MYO1B: variants seen among roughly 807,000 people sequenced by gnomAD.
MYO1B encodes the protein unconventional myosin-Ib.
In MYO1B, 72 loss-of-function variants were observed where a neutral mutation model predicts 159.7. That is an observed-to-expected ratio of 0.45 (90% confidence interval 0.37 to 0.55). The LOEUF is 0.55. Ranked by LOEUF, MYO1B falls within the 20% of genes least tolerant of loss-of-function variation. The probability of loss-of-function intolerance (pLI) is 0.00; values close to 1 mark genes in which losing one functional copy is unlikely to be tolerated. For missense variants in MYO1B, 1,062 were observed against 1,364.8 expected (o/e 0.78, Z 3.50); for synonymous variants, 468 against 473.8 (o/e 0.99, Z 0.16).
intron 1 of MYO1B, among the ~76,000 whole-genome samples, chr2:191,247,070 G>T (rs920117140): frequency 6.6e-6 from 1 of 152,212 alleles, no homozygotes; most frequent in African/African-American, 2.4e-5. Context: ...TGTGTTTTTT[G>T]AATGGGGTAT....
intron 6 of MYO1B, among the ~76,000 whole-genome samples, chr2:191,348,379 C>T (rs539983967): frequency 3.3e-4 from 51 of 152,310 alleles, no homozygotes; most frequent in African/African-American, 1.1e-3. Flanking sequence ...TGTCTATGTA[C>T]ACTCCTTTTA....
At chr2:191,307,596 A>T (rs1689727889) in intron 3 of MYO1B, among the ~76,000 whole-genome samples, 1 of 152,064 alleles carries the variant, frequency 6.6e-6, no homozygotes, top group Admixed American at 6.6e-5. Flanking sequence ...ACCTCCGACA[A>T]ACTCAGTTCT....
chr2:191,383,671 A>G (rs1419353759), intron 15 of MYO1B, among the ~76,000 whole-genome samples: 1 of 151,496 alleles, frequency 6.6e-6, no homozygotes, highest in Non-Finnish European at 1.5e-5. Context: ...CAGGATCCCC[A>G]GTGGCCATAT....
At chr2:191,255,625 A>C (rs1476223286) in intron 1 of MYO1B, among the ~76,000 whole-genome samples, 1 of 152,250 alleles carries the variant, frequency 6.6e-6, no homozygotes, top group Non-Finnish European at 1.5e-5. Context: ...GTAAATTATC[A>C]TAATAGTGGT....
At chr2:191,407,310 A>G (rs950754748) in intron 24 of MYO1B, among the ~76,000 whole-genome samples, 1 of 152,236 alleles carries the variant, frequency 6.6e-6, no homozygotes, top group Non-Finnish European at 1.5e-5. Flanking sequence ...GATATGTAAT[A>G]TCTGAATTAT....
chr2:191,349,714 C>T (rs1477564403), intron 6 of MYO1B, among the ~76,000 whole-genome samples: 1 of 152,184 alleles, frequency 6.6e-6, no homozygotes, highest in Non-Finnish European at 1.5e-5. Context: ...GATATAAAAA[C>T]AGATCTCTGA....
At chr2:191,283,973 A>G (rs1371726340) in intron 2 of MYO1B, among the ~76,000 whole-genome samples, 1 of 152,232 alleles carries the variant, frequency 6.6e-6, no homozygotes, top group Non-Finnish European at 1.5e-5. Flanking sequence ...AAGGACATTC[A>G]TTTCTAAAGT....
At chr2:191,421,640 T>C (rs1697949743) in intron 30 of MYO1B, among the ~76,000 whole-genome samples, 1 of 152,154 alleles carries the variant, frequency 6.6e-6, no homozygotes, top group Non-Finnish European at 1.5e-5. Flanking sequence ...CGTCCCTGGC[T>C]AATTTGTGTA....
At chr2:191,323,259 G>C (rs1403758305) in intron 3 of MYO1B, among the ~76,000 whole-genome samples, 1 of 152,026 alleles carries the variant, frequency 6.6e-6, no homozygotes, top group African/African-American at 2.4e-5. Context: ...TATCAGCAGG[G>C]TCTTTATGAC....
intron 21 of MYO1B, among the ~76,000 whole-genome samples, chr2:191,399,369 A>C (rs962788817): frequency 1.3e-5 from 2 of 152,232 alleles, no homozygotes; most frequent in Non-Finnish European, 2.9e-5. Flanking sequence ...TTCAGTGTAC[A>C]TAAATAAAGT....
chr2:191,281,612 G>T (rs1037173677), intron 2 of MYO1B, among the ~76,000 whole-genome samples: 10 of 152,142 alleles, frequency 6.6e-5, no homozygotes, highest in African/African-American at 2.4e-4. Context: ...GACTTTTATT[G>T]TGATGTAGGA....
In MYO1B at chr2:191,397,874, C is replaced by G. The variant is rs1175717220; in HGVS notation, c.2295+1377C>G. Among the ~76,000 whole-genome samples, 18 of 139,888 alleles carry G rather than the reference C, an allele frequency of 1.3e-4. 1 individual carries two copies. Among genetic ancestry groups the G allele is most frequent in the African/African-American group, 4.1e-4 (15 of 36,312 alleles). 91.8% of individuals were successfully genotyped at this position (139,888 alleles called of 152,430 possible). A position where few individuals can be genotyped will look rare whatever the true frequency, so the allele number is the denominator to read the frequency against. On this transcript the variant is annotated intron_variant, in intron 21 of 30. Transcript: ENST00000392318. ...GGGCGGCTGGCCAGGCAGAGGGGCT[C>G]CTCACTTCCCAGTAGGGGCGGCCGG...
At chr2:191,260,550 A>G (rs1686750308) in intron 1 of MYO1B, among the ~76,000 whole-genome samples, 1 of 152,176 alleles carries the variant, frequency 6.6e-6, no homozygotes, top group Non-Finnish European at 1.5e-5. Context: ...TCAGATTTCT[A>G]AAAGTATGTC....
At chr2:191,403,187 C>T (rs1304507290) in intron 24 of MYO1B, among the ~76,000 whole-genome samples, 3 of 152,122 alleles carry the variant, frequency 2.0e-5, no homozygotes, top group Non-Finnish European at 1.5e-5. Context: ...AATTGTTCAG[C>T]GTTGGAACCA....
Position 191,341,536 on chromosome 2 carries a change from A to G in MYO1B, c.422A>G (p.Gln141Arg). 1 of 1,614,024 alleles carries G rather than the reference A, an allele frequency of 6.2e-7. No individual in the cohort carries two copies. Among genetic ancestry groups the G allele is most frequent in the Non-Finnish European group, 8.5e-7 (1 of 1,179,934 alleles). ...KGAEVNQVKE[Q>R]LLQSNPVLEA... ...GCAGAAGTTAATCAAGTTAAAGAAC[A>G]GCTTTTACAGTCCAACCCGGTCCTG... The change falls in exon 5 of 31, where the codon CAG becomes CGG. Residue 141 changes from glutamine (Q) to arginine (R), a missense_variant. Gln to Arg is a conservative substitution (Grantham distance 43). Coordinates refer to ENST00000392318, the MANE Select transcript of MYO1B (RefSeq NM_001130158.3).
At chr2:191,321,587 T>G (rs1690716105) in intron 3 of MYO1B, among the ~76,000 whole-genome samples, 1 of 152,202 alleles carries the variant, frequency 6.6e-6, no homozygotes, top group South Asian at 2.1e-4. Flanking sequence ...ATATTTGTTC[T>G]TTTCTCCAAA....
intron 30 of MYO1B, among the ~76,000 whole-genome samples, chr2:191,417,317 G>A (rs1243274767): frequency 6.6e-6 from 1 of 152,020 alleles, no homozygotes; most frequent in Admixed American, 6.6e-5. Flanking sequence ...ATTGCTGTTC[G>A]GACTAAATAA....
At chr2:191,350,325 T>A (rs1241316627) in intron 7 of MYO1B, 100 bp downstream of exon 7, 1 of 773,868 alleles carries the variant, frequency 1.3e-6, no homozygotes, top group African/African-American at 1.8e-5. Context: ...GGCATAAGAA[T>A]ATGTTTCCTT....
chr2:191,275,067 GGC>G, intron 1 of MYO1B, among the ~76,000 whole-genome samples: 1 of 151,744 alleles, frequency 6.6e-6, no homozygotes, highest in African/African-American at 2.4e-5. Flanking sequence ...CACCATGCCC[GGC>G]TAATTTTTGT....
Sources: gnomAD v4.1 joint callset for allele counts (sites outside exome capture counted in the v4.1 genomes callset) on GRCh38, gnomAD v4.1.1 for gene constraint, MANE v1.5 for transcripts, NCBI Gene and HGNC (gene_info 2026-07-23, HGNC 2026-07-21) for gene names.